Variants in CREB3L2 observed in about 807,000 individuals in gnomAD.
The protein encoded by CREB3L2 is cAMP responsive element binding protein 3 like 2.
CREB3L2 carries 23 observed loss-of-function variants against 57.2 expected under a neutral mutation model. The ratio of observed to expected loss-of-function variants is 0.40; its 90% CI spans 0.29 to 0.57. CREB3L2 has a LOEUF of 0.57. Among genes scored for constraint, CREB3L2 ranks in the 20% least tolerant of loss-of-function variants. The pLI is 0.42. For missense variants in CREB3L2, 628 were observed against 634.7 expected, an observed-to-expected ratio of 0.99 and a Z score of 0.11; for synonymous variants, 268 against 265.1, an observed-to-expected ratio of 1.01 and a Z score of -0.11.
chr7:137,957,788 G>GT, intron 1 of CREB3L2: 1 of 1,288,314 alleles, frequency 7.8e-7, no homozygotes, highest in Non-Finnish European at 1.0e-6. Context: ...AGTGGTAAAT[G>GT]CAATGACATT....
At chr7:137,985,559 C>T (rs1336138650) in intron 1 of CREB3L2, among the ~76,000 whole-genome samples, 1 of 152,052 alleles carries the variant, frequency 6.6e-6, no homozygotes, top group Non-Finnish European at 1.5e-5. Flanking sequence ...GTTAACAGAC[C>T]CCTAAACAGG....
At chr7:137,941,752 T>G (rs1395697405) in intron 1 of CREB3L2, among the ~76,000 whole-genome samples, 1 of 152,138 alleles carries the variant, frequency 6.6e-6, no homozygotes, top group South Asian at 2.1e-4. Context: ...AGAAGCAGAG[T>G]TTGATGTTTC....
chr7:137,946,974 TTA>T (rs10677517), intron 1 of CREB3L2, among the ~76,000 whole-genome samples: 1,445 of 38,800 alleles, frequency 0.037, 365 homozygotes, highest in Middle Eastern at 0.064. Context: ...ATATATATAG[TTA>T]TATATATATA....
chr7:137,877,005 T>G lies in CREB3L2; in HGVS notation c.*3471A>C. 8.7e-6 allele frequency: 2 copies of G among 230,688 alleles called. No individual in the cohort carries two copies. Among genetic ancestry groups the G allele is most frequent in the Non-Finnish European group, 1.7e-5 (2 of 116,402 alleles). 14.3% of individuals were successfully genotyped at this position (230,688 alleles called of 1,614,324 possible). On this transcript the variant is annotated 3_prime_UTR_variant, in exon 12 of 12. Transcript: ENST00000330387. ...GCCTCTAATTCTGCCTCTACGCTTTTGCTGGGTCTGAGGACATGGGAGGGA... is the reference window on the plus strand; with the variant it reads ...GCCTCTAATTCTGCCTCTACGCTTTGGCTGGGTCTGAGGACATGGGAGGGA...
At chr7:137,887,733 C>T (rs887445721) in intron 8 of CREB3L2, among the ~76,000 whole-genome samples, 5 of 152,034 alleles carry the variant, frequency 3.3e-5, no homozygotes, top group East Asian at 1.9e-4. Flanking sequence ...AATTTCTATG[C>T]GTTTCTATCT....
At chr7:137,987,323 T>C (rs1196598434) in intron 1 of CREB3L2, among the ~76,000 whole-genome samples, 1 of 152,156 alleles carries the variant, frequency 6.6e-6, no homozygotes, top group Non-Finnish European at 1.5e-5. Flanking sequence ...CGCACCACAG[T>C]TTGACTTTTT....
At chr7:137,978,624 G>A (rs1055424850) in intron 1 of CREB3L2, among the ~76,000 whole-genome samples, 1 of 152,172 alleles carries the variant, frequency 6.6e-6, no homozygotes, top group Non-Finnish European at 1.5e-5. Flanking sequence ...GGAAAAGAAC[G>A]TAAGACACTG....
chr7:137,930,687 A>G (rs1006061468), intron 1 of CREB3L2, among the ~76,000 whole-genome samples: 2 of 152,194 alleles, frequency 1.3e-5, no homozygotes, highest in African/African-American at 4.8e-5. Context: ...GGGAAGCTAC[A>G]GGACTTGGGC....
chr7:137,907,444 T>G (rs766066225), intron 5 of CREB3L2, among the ~76,000 whole-genome samples: 2 of 152,114 alleles, frequency 1.3e-5, no homozygotes, highest in Non-Finnish European at 2.9e-5. Flanking sequence ...AAGGGTGAAT[T>G]CCCTTGTCCT....
At chr7:138,000,261 C>G (rs1417684977) in intron 1 of CREB3L2, among the ~76,000 whole-genome samples, 1 of 152,204 alleles carries the variant, frequency 6.6e-6, no homozygotes, top group East Asian at 1.9e-4. Context: ...ACCCATTCAT[C>G]AAAAGATATT....
chr7:137,880,406 C>G lies in CREB3L2; in HGVS notation c.*70G>C. On this transcript the variant is annotated 3_prime_UTR_variant, in exon 12 of 12. Coordinates refer to ENST00000330387, the MANE Select transcript of CREB3L2 (RefSeq NM_194071.4). This position sits in a 1 kb window ranked among gnomAD's most constrained non-coding sequence, Gnocchi z 4.0. ...AAGATCCAGTGGCAAAGAGGAAAAGCTGATGACAAAGGTGGTTTGGGGATG... is the reference window on the plus strand; with the variant it reads ...AAGATCCAGTGGCAAAGAGGAAAAGGTGATGACAAAGGTGGTTTGGGGATG... 2 of 1,277,358 alleles carry G rather than the reference C, an allele frequency of 1.6e-6. No individual in the cohort carries two copies. Among genetic ancestry groups the G allele is most frequent in the Non-Finnish European group, 2.3e-6 (2 of 886,660 alleles). 79.1% of individuals were successfully genotyped at this position (1,277,358 alleles called of 1,614,324 possible). A position where few individuals can be genotyped will look rare whatever the true frequency, so the allele number is the denominator to read the frequency against.
At chr7:137,950,332 G>T (rs1204467448) in intron 1 of CREB3L2, among the ~76,000 whole-genome samples, 1 of 152,168 alleles carries the variant, frequency 6.6e-6, no homozygotes, top group Non-Finnish European at 1.5e-5. Context: ...TCTCCAGAGG[G>T]CAAAACGTCT....
chr7:137,925,531 C>T (rs1022555768), intron 2 of CREB3L2, among the ~76,000 whole-genome samples: 2 of 152,138 alleles, frequency 1.3e-5, no homozygotes, highest in Admixed American at 6.6e-5. Flanking sequence ...AATAACCATC[C>T]TTCTCCATCA....
intron 1 of CREB3L2, among the ~76,000 whole-genome samples, chr7:137,938,290 A>C (rs576855794): frequency 6.3e-4 from 96 of 152,244 alleles, no homozygotes; most frequent in African/African-American, 2.2e-3. Context: ...AAATCTTTCT[A>C]CCTTCTGTTC....
At chr7:137,953,162 C>T (rs1359735060) in intron 1 of CREB3L2, among the ~76,000 whole-genome samples, 1 of 152,198 alleles carries the variant, frequency 6.6e-6, no homozygotes, top group Non-Finnish European at 1.5e-5. Context: ...TTAATGTAAA[C>T]TCCTTGATGT....
Position 137,879,611 on chromosome 7 carries a change from GA to G in CREB3L2, c.*864del. ...AGGAAAGGAAACAAAACATTGTCTG[GA>G]AAGACACGGGATCCCAGAGCCTAGG... is the stretch of plus-strand genomic sequence containing the variant. On this transcript the variant is annotated 3_prime_UTR_variant, in exon 12 of 12. Coordinates refer to ENST00000330387, the MANE Select transcript of CREB3L2 (RefSeq NM_194071.4). 4.0e-6 allele frequency: 1 copy of G among 247,832 alleles called. No individual in the cohort carries two copies. Among genetic ancestry groups the G allele is most frequent in the East Asian group, 6.0e-5 (1 of 16,744 alleles). 15.4% of individuals were successfully genotyped at this position (247,832 alleles called of 1,614,324 possible). A position where few individuals can be genotyped will look rare whatever the true frequency, so the allele number is the denominator to read the frequency against.
chr7:137,876,530 A>G lies in CREB3L2; in HGVS notation c.*3946T>C, dbSNP rs1200055869. 5 of 233,010 alleles carry G rather than the reference A, an allele frequency of 2.1e-5. No individual in the cohort carries two copies. Among genetic ancestry groups the G allele is most frequent in the Non-Finnish European group, 4.2e-5 (5 of 118,016 alleles). The allele number at this position is 233,010 out of a possible 1,614,324, so 14.4% of individuals were successfully genotyped here. On this transcript the variant is annotated 3_prime_UTR_variant, in exon 12 of 12. Transcript: ENST00000330387. ...AGTCTTAGGAGTAACTGAATGAGTG[A>G]GTGAATGAACGAAACATCTAAGTCT...
chr7:137,887,748 G>A (rs1292325995), intron 8 of CREB3L2, among the ~76,000 whole-genome samples: 2 of 151,922 alleles, frequency 1.3e-5, no homozygotes, highest in South Asian at 2.1e-4. Context: ...CTATCTACAT[G>A]ACATTTTCCC....
At chr7:137,927,246 C>T (rs114703045) in intron 2 of CREB3L2, among the ~76,000 whole-genome samples, 1,563 of 107,528 alleles carry the variant, frequency 0.015, 31 homozygotes, top group East Asian at 0.099. Context: ...AGGGAGGGAA[C>T]GGAACGGAAC....
Sources: allele counts gnomAD v4.1 joint callset (sites outside exome capture counted in the v4.1 genomes callset), GRCh38; gene constraint gnomAD v4.1.1; non-coding constraint Gnocchi (gnomAD v3.1); transcripts MANE v1.5; gene names NCBI Gene and HGNC (gene_info 2026-07-23, HGNC 2026-07-21).